The following DVL1 variants were observed in gnomAD, a reference collection of about 807,000 sequenced individuals.
The protein encoded by DVL1 is segment polarity protein dishevelled homolog DVL-1.
In DVL1, 49 loss-of-function variants were observed where a neutral mutation model predicts 65.0. The observed-to-expected ratio is 0.75, with a 90% CI of 0.60 to 0.96. The LOEUF (loss-of-function observed/expected upper bound fraction) is 0.96. Ranked by LOEUF, DVL1 falls within the 40% of genes least tolerant of loss-of-function variation. The pLI is 0.00. For synonymous variants in DVL1, 608 were observed against 433.9 expected (o/e 1.40, Z -4.99); for missense variants, 1,197 against 1,045.4 (o/e 1.15, Z -2.00).
At chr1:1,336,648 G>T in intron 14 of DVL1, 133 bp from the exon 15 acceptor site, 1 of 1,243,922 alleles carries the variant, frequency 8.0e-7, no homozygotes, top group Non-Finnish European at 1.1e-6. Context: ...CAGCCATGCA[G>T]GCGCGAGGAC....
intron 4 of DVL1, 91 bp from the exon 5 acceptor site, chr1:1,341,896 C>A: frequency 6.8e-7 from 1 of 1,480,428 alleles, no homozygotes; most frequent in South Asian, 1.3e-5. Flanking sequence ...GCCTGTGGGT[C>A]TGGGAGCTGG....
At chr1:1,336,556 C>G in intron 14 of DVL1, 41 bp from the exon 15 acceptor site, 1 of 1,481,208 alleles carries the variant, frequency 6.8e-7, no homozygotes, top group South Asian at 1.4e-5. Flanking sequence ...CTGTCAGCAC[C>G]AGGCCCGGCC....
rs111883533 is a variant in DVL1 at position 1,340,576 on chromosome 1, C to T, written c.606-73G>A. ...GGGGTGGGAACCCGCTCCCCCAATA[C>T]TGAGTGGGAATCGGGGGTCTAGGCC... On this transcript the variant is annotated intron_variant, in intron 5 of 14. Transcript: ENST00000378888. 84,039 of 1,480,436 alleles carry T rather than the reference C, an allele frequency of 0.057. 3,969 individuals are homozygous for T. The highest frequency in any genetic ancestry group is 0.23 in the African/African-American group (16,217 of 71,722). The allele number at this position is 1,480,436 out of a possible 1,614,324, so 91.7% of individuals were successfully genotyped here.
chr1:1,336,157 G>C lies in DVL1; in HGVS notation c.2073C>G (p.Phe691Leu). ...QKAMGNPCEF[F>L]VDIM Reference sequence around the variant, plus strand: ...GCGCCACGAGTCACATGATGTCCACGAAGAACTCGCAGGGGTTCCCCATAG... The same window carrying C: ...GCGCCACGAGTCACATGATGTCCACCAAGAACTCGCAGGGGTTCCCCATAG... Residue 691 changes from phenylalanine (F) to leucine (L), a missense_variant, in exon 15 of 15, where the codon TTC becomes TTG. Coordinates refer to ENST00000378888, the MANE Select transcript of DVL1 (RefSeq NM_001330311.2). 1 of 1,576,308 alleles carries C rather than the reference G, an allele frequency of 6.3e-7. No individual in the cohort carries two copies. Among genetic ancestry groups the C allele is most frequent in the Non-Finnish European group, 8.6e-7 (1 of 1,167,720 alleles).
chr1:1,336,040 G>T lies in DVL1; in HGVS notation c.*102C>A. ...GGTGGTCCAGCCTGCCCCCCACCCT[G>T]CCTCCCGTCCTGGCCCCCACGAAGG... On this transcript the variant is annotated 3_prime_UTR_variant, in exon 15 of 15. Coordinates refer to ENST00000378888, the MANE Select transcript of DVL1 (RefSeq NM_001330311.2). 1 of 1,449,470 alleles carries T rather than the reference G, an allele frequency of 6.9e-7. No individual in the cohort carries two copies. Among genetic ancestry groups the T allele is most frequent in the Non-Finnish European group, 9.2e-7 (1 of 1,085,754 alleles). 89.8% of individuals were successfully genotyped at this position (1,449,470 alleles called of 1,614,324 possible).
chr1:1,344,305 T>C (rs557787899), intron 1 of DVL1, among the ~76,000 whole-genome samples: 17 of 152,302 alleles, frequency 1.1e-4, no homozygotes, highest in African/African-American at 4.1e-4. Flanking sequence ...TTGTGGCTGC[T>C]AGTCCCACTG....
At chr1:1,341,320 G>A (rs188660219) in intron 5 of DVL1, among the ~76,000 whole-genome samples, 4 of 151,964 alleles carry the variant, frequency 2.6e-5, no homozygotes, top group Non-Finnish European at 5.9e-5. Flanking sequence ...ACACAGACAT[G>A]CGCATCATGT....
chr1:1,343,110 G>A (rs1020400223), intron 1 of DVL1, among the ~76,000 whole-genome samples: 9 of 152,164 alleles, frequency 5.9e-5, no homozygotes, highest in Admixed American at 2.6e-4. Flanking sequence ...CCCCTGCAGC[G>A]TTGGTCCCCA....
chr1:1,339,470 G>A (rs1017638413), intron 10 of DVL1, 31 bp from the exon 11 acceptor site: 18 of 1,545,298 alleles, frequency 1.2e-5, no homozygotes, highest in East Asian at 4.9e-5. Context: ...GATGACAGGC[G>A]GACAGATGGA....
rs1212652410 is a variant in DVL1 at position 1,341,770 on chromosome 1, G to A, written c.502C>T (p.Arg168Trp). 21 of 1,602,880 alleles carry A rather than the reference G, an allele frequency of 1.3e-5. No individual in the cohort carries two copies. The highest frequency in any genetic ancestry group is 3.3e-5 in the South Asian group (3 of 89,774). Residue 168 changes from arginine (R) to tryptophan (W), a missense_variant, in exon 5 of 15, where the codon CGG becomes TGG. Coordinates refer to ENST00000378888, the MANE Select transcript of DVL1 (RefSeq NM_001330311.2). The stretch of plus-strand genomic sequence containing the variant: ...TCTGGGGGCAGCCCCACATCCCGCC[G>A]TCGGTCTCCCCTTGGGTGCCCATTG... The part of the protein sequence containing the change: ...RTNGHPRGDR[R>W]RDVGLPPDSA...
intron 1 of DVL1, among the ~76,000 whole-genome samples, chr1:1,346,606 C>T (rs898367299): frequency 1.3e-5 from 2 of 152,234 alleles, no homozygotes; most frequent in Non-Finnish European, 2.9e-5. Flanking sequence ...ACCCACTGGG[C>T]CAAAGCCGTG....
At chr1:1,346,747 G>C (rs993077314) in intron 1 of DVL1, among the ~76,000 whole-genome samples, 19 of 152,216 alleles carry the variant, frequency 1.2e-4, no homozygotes, top group African/African-American at 4.6e-4. Context: ...TGCAGCGGGG[G>C]CTGGCGCAGG....
At chr1:1,344,221 G>C (rs1363855882) in intron 1 of DVL1, among the ~76,000 whole-genome samples, 1 of 152,218 alleles carries the variant, frequency 6.6e-6, no homozygotes, top group East Asian at 1.9e-4. Flanking sequence ...CCACGCCCGG[G>C]ACTTGGGCCC....
At chr1:1,343,548 C>T (rs1643878342) in intron 1 of DVL1, among the ~76,000 whole-genome samples, 1 of 152,254 alleles carries the variant, frequency 6.6e-6, no homozygotes, top group East Asian at 1.9e-4. Context: ...GCCAGCCATG[C>T]CCTATGGCCC....
rs763385815 is a variant in DVL1, at chr1:1,338,002, G to A, written c.1689C>T (p.Gly563=). ...CTTCACTCTGCTGACTCCCGGTGCT[G>A]CCGCTGCCATAGCTAAAGCCCGGGT... is the stretch of plus-strand genomic sequence containing the variant. The part of the protein sequence containing the change: ...YQDPGFSYGS[G]STGSQQSEGS... Residue 563 remains glycine, a synonymous_variant, in exon 14 of 15, where the codon GGC becomes GGT. Coordinates refer to ENST00000378888, the MANE Select transcript of DVL1 (RefSeq NM_001330311.2). 1.2e-6 allele frequency: 2 copies of A among 1,611,738 alleles called. No individual in the cohort carries two copies. The highest frequency in any genetic ancestry group is 1.7e-5 in the Admixed American group (1 of 59,974).
At chr1:1,340,786 A>T (rs1643776787) in intron 5 of DVL1, among the ~76,000 whole-genome samples, 1 of 149,044 alleles carries the variant, frequency 6.7e-6, no homozygotes, top group Non-Finnish European at 1.5e-5. Context: ...ACCTGCACAC[A>T]CGCACCCCTG....
chr1:1,335,835 TG>T lies in DVL1; in HGVS notation c.*306del. ...GGCCTGGGCACAGCTGTGCAGGAGG[TG>T]GGGGTCAGCCGAGAGCCCGAGGGGG... On this transcript the variant is annotated 3_prime_UTR_variant, in exon 15 of 15. Transcript: ENST00000378888. 2.3e-6 allele frequency: 1 copy of T among 438,294 alleles called. No individual in the cohort carries two copies. Among genetic ancestry groups the T allele is most frequent in the East Asian group, 4.5e-5 (1 of 22,090 alleles). 27.2% of individuals were successfully genotyped at this position (438,294 alleles called of 1,614,324 possible).
chr1:1,338,942 C>T (rs1643685810), intron 11 of DVL1, among the ~76,000 whole-genome samples: 1 of 152,260 alleles, frequency 6.6e-6, no homozygotes, highest in Non-Finnish European at 1.5e-5. Flanking sequence ...GAGAACAGGG[C>T]AGGCCCCTTC....
In DVL1 at chr1:1,343,473, C is replaced by T. The variant is rs3890162; in HGVS notation, c.171-715G>A. 4.2e-3 allele frequency among the ~76,000 whole-genome samples: 637 copies of T among 152,272 alleles called. 7 individuals are homozygous for T. Among genetic ancestry groups the T allele is most frequent in the African/African-American group, 0.013 (556 of 41,546 alleles). ...GGGCATCAGGCCACCTGCACCCACCCCTGCACTCAGACCTGTCATTCCCAA... is the reference window on the plus strand; with the variant it reads ...GGGCATCAGGCCACCTGCACCCACCTCTGCACTCAGACCTGTCATTCCCAA... On this transcript the variant is annotated intron_variant, in intron 1 of 14. Transcript: ENST00000378888.
Sources: allele counts gnomAD v4.1 joint callset (sites outside exome capture counted in the v4.1 genomes callset), GRCh38; gene constraint gnomAD v4.1.1; transcripts MANE v1.5; gene names NCBI Gene and HGNC (gene_info 2026-07-23, HGNC 2026-07-21).